Variants in HS6ST3 observed in about 807,000 individuals in gnomAD.
The protein encoded by HS6ST3 is heparan-sulfate 6-O-sulfotransferase 3.
In HS6ST3, 12 loss-of-function variants were observed where a neutral mutation model predicts 36.7. The ratio of observed to expected loss-of-function variants is 0.33; its 90% CI spans 0.21 to 0.53. The LOEUF (loss-of-function observed/expected upper bound fraction) is 0.53, where lower values mean the gene tolerates loss of function less well. HS6ST3 is among the 20% of genes least tolerant of loss of function. The pLI is 0.95. For missense variants in HS6ST3, 584 were observed against 640.9 expected (o/e 0.91, Z 0.96); for synonymous variants, 240 against 257.5 (o/e 0.93, Z 0.65).
intron 1 of HS6ST3, among the ~76,000 whole-genome samples, chr13:96,108,180 CA>C (rs2053850768): frequency 6.6e-6 from 1 of 152,098 alleles, no homozygotes; most frequent in Admixed American, 6.6e-5. Context: ...AATGCATTCC[CA>C]GGGGGAGGCC....
At chr13:96,299,971 A>G (rs1159465437) in intron 1 of HS6ST3, among the ~76,000 whole-genome samples, 1 of 151,194 alleles carries the variant, frequency 6.6e-6, no homozygotes, top group Admixed American at 6.6e-5. Flanking sequence ...ACGTACAATC[A>G]TGGCGGAAGA....
chr13:96,581,519 G>A (rs953075107), intron 1 of HS6ST3, among the ~76,000 whole-genome samples: 2 of 152,088 alleles, frequency 1.3e-5, no homozygotes, highest in Non-Finnish European at 2.9e-5. Context: ...ACCGCGCCTG[G>A]CCAACAACTA....
At chr13:96,256,245 A>G (rs1295526581) in intron 1 of HS6ST3, among the ~76,000 whole-genome samples, 1 of 152,214 alleles carries the variant, frequency 6.6e-6, no homozygotes, top group Non-Finnish European at 1.5e-5. Context: ...AATAAGTGAC[A>G]GTAAAGGTTG....
intron 1 of HS6ST3, among the ~76,000 whole-genome samples, chr13:96,159,653 C>A (rs2054127096): frequency 6.6e-6 from 1 of 152,138 alleles, no homozygotes; most frequent in Admixed American, 6.5e-5. Flanking sequence ...AAATATATTA[C>A]ACAAAACAAA....
At chr13:96,588,810 G>A (rs1344266543) in intron 1 of HS6ST3, among the ~76,000 whole-genome samples, 1 of 152,006 alleles carries the variant, frequency 6.6e-6, no homozygotes, top group Non-Finnish European at 1.5e-5. Context: ...GGCACTTTGG[G>A]AAGCCGAGGC....
At chr13:96,545,794 A>G (rs1473122434) in intron 1 of HS6ST3, among the ~76,000 whole-genome samples, 1 of 152,180 alleles carries the variant, frequency 6.6e-6, no homozygotes, top group African/African-American at 2.4e-5. Flanking sequence ...TCCGATAGCT[A>G]CTTCGAGAGC....
intron 1 of HS6ST3, among the ~76,000 whole-genome samples, chr13:96,697,471 G>A (rs1445523401): frequency 6.6e-6 from 1 of 151,908 alleles, no homozygotes; most frequent in Admixed American, 6.6e-5. Context: ...GAACTGAAGA[G>A]GACAAGATCT....
chr13:96,382,181 G>T (rs1186478819), intron 1 of HS6ST3, among the ~76,000 whole-genome samples: 1 of 152,098 alleles, frequency 6.6e-6, no homozygotes, highest in Non-Finnish European at 1.5e-5. Context: ...AGCAGAGTGG[G>T]GAGGGCAACT....
At chr13:96,723,432 C>G (rs149748974) in intron 1 of HS6ST3, among the ~76,000 whole-genome samples, 8 of 152,142 alleles carry the variant, frequency 5.3e-5, no homozygotes, top group African/African-American at 1.9e-4. Context: ...GACCTCCCAG[C>G]CCTGCACTGC....
chr13:96,548,144 C>T (rs565423531), intron 1 of HS6ST3, among the ~76,000 whole-genome samples: 2 of 152,274 alleles, frequency 1.3e-5, no homozygotes, highest in Non-Finnish European at 2.9e-5. Context: ...TAACTTTTAA[C>T]CCAAAACATT....
intron 1 of HS6ST3, among the ~76,000 whole-genome samples, chr13:96,373,623 A>AT (rs2055300800): frequency 6.6e-6 from 1 of 152,144 alleles, no homozygotes; most frequent in Middle Eastern, 3.2e-3. Flanking sequence ...GACTGTTTAG[A>AT]TTTTTTTCAT....
At chr13:96,447,706 A>G (rs2055705979) in intron 1 of HS6ST3, among the ~76,000 whole-genome samples, 2 of 152,132 alleles carry the variant, frequency 1.3e-5, no homozygotes, top group African/African-American at 2.4e-5. Flanking sequence ...GGGCTACGTG[A>G]ATGACATGCC....
chr13:96,642,563 GC>G (rs2139007570), intron 1 of HS6ST3, among the ~76,000 whole-genome samples: 1 of 151,842 alleles, frequency 6.6e-6, no homozygotes, highest in East Asian at 1.9e-4. Context: ...GGTCTCTGAG[GC>G]TCTGCTAGTT....
At chr13:96,696,873 A>C (rs942222092) in intron 1 of HS6ST3, among the ~76,000 whole-genome samples, 1 of 152,148 alleles carries the variant, frequency 6.6e-6, no homozygotes, top group Non-Finnish European at 1.5e-5. Flanking sequence ...AAACCAAAAA[A>C]TAATGAATGA....
chr13:96,689,881 T>C (rs1394404583), intron 1 of HS6ST3, among the ~76,000 whole-genome samples: 1 of 152,018 alleles, frequency 6.6e-6, no homozygotes, highest in African/African-American at 2.4e-5. Flanking sequence ...TGCATTAACA[T>C]TGATAACTTA....
intron 1 of HS6ST3, among the ~76,000 whole-genome samples, chr13:96,158,126 C>T (rs1046532158): frequency 2.8e-4 from 42 of 152,034 alleles, no homozygotes; most frequent in Non-Finnish European, 4.1e-4. Context: ...AGGTTAAGAG[C>T]GATGTAAAGG....
chr13:96,750,290 C>G (rs1876667593), intron 1 of HS6ST3, among the ~76,000 whole-genome samples: 1 of 152,122 alleles, frequency 6.6e-6, no homozygotes, highest in Non-Finnish European at 1.5e-5. Context: ...TTGCACAAGC[C>G]CCAGGGAAGA....
intron 1 of HS6ST3, among the ~76,000 whole-genome samples, chr13:96,730,386 T>C (rs1359507213): frequency 2.0e-5 from 3 of 152,114 alleles, no homozygotes; most frequent in African/African-American, 7.3e-5. Context: ...CAGAATCTCA[T>C]AGAGTGCCTT....
Position 96,833,232 on chromosome 13 carries a change from G to A in HS6ST3, c.*34G>A, listed in dbSNP as rs754072248. ...CCTCTCCTCTCTCAGGAGGGGGAGG[G>A]TGAGCAGGCACATTGACTTTCTGTT... On this transcript the variant is annotated 3_prime_UTR_variant, in exon 2 of 2. Transcript: ENST00000376705. The A allele has an allele frequency of 1.4e-6, 2 of 1,457,728 alleles. No individual in the cohort carries two copies. The highest frequency in any genetic ancestry group is 1.8e-6 in the Non-Finnish European group (2 of 1,104,524). The allele number at this position is 1,457,728 out of a possible 1,614,324, so 90.3% of individuals were successfully genotyped here. A position where few individuals can be genotyped will look rare whatever the true frequency, so the allele number is the denominator to read the frequency against.
Sources: allele counts gnomAD v4.1 joint callset (sites outside exome capture counted in the v4.1 genomes callset), GRCh38; gene constraint gnomAD v4.1.1; transcripts MANE v1.5; gene names NCBI Gene and HGNC (gene_info 2026-07-23, HGNC 2026-07-21).